The following TRAPPC9 variants were observed in gnomAD, a reference collection of about 807,000 sequenced individuals.
TRAPPC9 encodes IKK2 binding protein.
In TRAPPC9, 83 loss-of-function variants were observed where a neutral mutation model predicts 124.0. The observed-to-expected ratio is 0.67, with a 90% CI of 0.56 to 0.80. The LOEUF (loss-of-function observed/expected upper bound fraction) is 0.80, where lower values mean the gene tolerates loss of function less well. TRAPPC9 is among the 30% of genes least tolerant of loss of function. The probability of loss-of-function intolerance (pLI) is 0.00; values close to 1 mark genes in which losing one functional copy is unlikely to be tolerated. For missense variants in TRAPPC9, 1,302 were observed against 1,508.3 expected (o/e 0.86, Z 2.27); for synonymous variants, 638 against 617.5 (o/e 1.03, Z -0.49).
At chr8:140,388,289 A>T (rs1421244595) in intron 7 of TRAPPC9, among the ~76,000 whole-genome samples, 3 of 150,372 alleles carry the variant, frequency 2.0e-5, no homozygotes, top group Non-Finnish European at 4.4e-5. Context: ...ATGACAAGTT[A>T]ATGGGTGCAG....
At chr8:140,073,468 T>C (rs1587648138) in intron 17 of TRAPPC9, among the ~76,000 whole-genome samples, 2 of 152,206 alleles carry the variant, frequency 1.3e-5, no homozygotes. Context: ...TATGCTGAGG[T>C]GCCTATTATG....
intron 17 of TRAPPC9, chr8:140,098,742 T>G (rs977675860): frequency 1.3e-5 from 2 of 151,092 alleles, no homozygotes; most frequent in Non-Finnish European, 3.0e-5. Flanking sequence ...TAGGTCTCAG[T>G]GCGCAGCTGC....
At chr8:140,404,747 CAT>C (rs113489205) in intron 6 of TRAPPC9, among the ~76,000 whole-genome samples, 27 of 149,890 alleles carry the variant, frequency 1.8e-4, no homozygotes, top group African/African-American at 6.2e-4. Context: ...CACGCGTGAG[CAT>C]GTGTGTACGT....
chr8:140,250,844 C>T (rs1022524859), intron 16 of TRAPPC9, among the ~76,000 whole-genome samples: 1 of 152,188 alleles, frequency 6.6e-6, no homozygotes, highest in African/African-American at 2.4e-5. Flanking sequence ...CTCACATTTA[C>T]AAACCACCTG....
chr8:140,217,891 C>A (rs570846009), intron 17 of TRAPPC9, among the ~76,000 whole-genome samples: 1 of 152,102 alleles, frequency 6.6e-6, no homozygotes, highest in Non-Finnish European at 1.5e-5. Flanking sequence ...GTGGTGCACG[C>A]CTGTAATCCC....
chr8:140,207,646 G>A (rs943087393), intron 17 of TRAPPC9, among the ~76,000 whole-genome samples: 8 of 152,206 alleles, frequency 5.3e-5, no homozygotes, highest in Non-Finnish European at 4.4e-5. Flanking sequence ...AGTCCCTGCG[G>A]ACCCTGCGGA....
intron 9 of TRAPPC9, among the ~76,000 whole-genome samples, chr8:140,355,337 C>T (rs551135839): frequency 6.6e-6 from 1 of 152,290 alleles, no homozygotes; most frequent in East Asian, 1.9e-4. Flanking sequence ...AGAAAGCAGA[C>T]CTTAGAAGTA....
chr8:140,272,587 T>G (rs1019598454), intron 15 of TRAPPC9, among the ~76,000 whole-genome samples: 1 of 151,916 alleles, frequency 6.6e-6, no homozygotes, highest in African/African-American at 2.4e-5. Context: ...CTGGCTAATT[T>G]ACAGGGAGAA....
Position 140,315,230 on chromosome 8 carries a change from T to A in TRAPPC9, c.1496-3856A>T, listed in dbSNP as rs149435734. Reference sequence around the variant, plus strand: ...TTCATACATCTTTTGGCCATTTGTATGTCTTTTTTTTTTTTTTTTTTTGGT... The same window carrying A: ...TTCATACATCTTTTGGCCATTTGTAAGTCTTTTTTTTTTTTTTTTTTTGGT... On this transcript the variant is annotated intron_variant, in intron 9 of 22. Transcript: ENST00000438773. 4.3e-3 allele frequency among the ~76,000 whole-genome samples: 592 copies of A among 138,622 alleles called. 4 individuals carry two copies. Among genetic ancestry groups the A allele is most frequent in the African/African-American group, 0.015 (563 of 36,726 alleles). 90.9% of individuals were successfully genotyped at this position (138,622 alleles called of 152,430 possible). A position where few individuals can be genotyped will look rare whatever the true frequency, so the allele number is the denominator to read the frequency against.
intron 9 of TRAPPC9, among the ~76,000 whole-genome samples, chr8:140,329,118 A>C (rs1416895180): frequency 1.3e-5 from 2 of 152,170 alleles, no homozygotes; most frequent in Non-Finnish European, 2.9e-5. Context: ...CCCAGGTAGA[A>C]TGTGAAGGTG....
chr8:139,981,316 C>T (rs1836876783), intron 19 of TRAPPC9, among the ~76,000 whole-genome samples: 1 of 152,198 alleles, frequency 6.6e-6, no homozygotes, highest in Admixed American at 6.5e-5. Flanking sequence ...CTCCCCGCAT[C>T]AGCTGAAGGG....
intron 21 of TRAPPC9, among the ~76,000 whole-genome samples, chr8:139,766,127 T>C (rs1261247917): frequency 6.6e-6 from 1 of 152,232 alleles, no homozygotes; most frequent in Non-Finnish European, 1.5e-5. Flanking sequence ...TCAAATCCCC[T>C]TGGCCCCAAA....
intron 17 of TRAPPC9, among the ~76,000 whole-genome samples, chr8:140,032,190 T>C (rs1193124612): frequency 6.6e-6 from 1 of 152,216 alleles, no homozygotes; most frequent in East Asian, 1.9e-4. Flanking sequence ...TGGAGTTACA[T>C]ACTTTGTCGA....
At chr8:140,102,189 GGTT>G (rs1441000320) in intron 17 of TRAPPC9, among the ~76,000 whole-genome samples, 2 of 152,104 alleles carry the variant, frequency 1.3e-5, no homozygotes, top group Admixed American at 6.5e-5. Context: ...TGGTATTTGG[GGTT>G]GTTGCTGTGA....
intron 21 of TRAPPC9, among the ~76,000 whole-genome samples, chr8:139,865,265 T>G (rs577003930): frequency 6.6e-6 from 1 of 152,212 alleles, no homozygotes; most frequent in East Asian, 1.9e-4. Context: ...CCCATGTCCA[T>G]GCGTTCTGGT....
intron 15 of TRAPPC9, among the ~76,000 whole-genome samples, chr8:140,274,124 C>T (rs1261237795): frequency 6.6e-6 from 1 of 151,978 alleles, no homozygotes; most frequent in Non-Finnish European, 1.5e-5. Flanking sequence ...TTTTTAATAA[C>T]TATTTAGCAT....
At chr8:140,344,991 T>C (rs2067297193) in intron 9 of TRAPPC9, among the ~76,000 whole-genome samples, 1 of 152,166 alleles carries the variant, frequency 6.6e-6, no homozygotes, top group African/African-American at 2.4e-5. Context: ...CACGACAGCG[T>C]CAAGGTTTCT....
chr8:139,772,378 G>A (rs1452182742), intron 21 of TRAPPC9, among the ~76,000 whole-genome samples: 3 of 152,186 alleles, frequency 2.0e-5, no homozygotes, highest in African/African-American at 7.2e-5. Context: ...CCATTTTACA[G>A]ATGAGGAGAT....
intron 17 of TRAPPC9, among the ~76,000 whole-genome samples, chr8:140,188,521 TACTG>T (rs1231062538): frequency 3.9e-5 from 6 of 152,304 alleles, no homozygotes; most frequent in African/African-American, 1.4e-4. Flanking sequence ...TCTTTATCCC[TACTG>T]AATCTCTGCT....
Sources: gnomAD v4.1 joint callset for allele counts (sites outside exome capture counted in the v4.1 genomes callset) on GRCh38, gnomAD v4.1.1 for gene constraint, MANE v1.5 for transcripts, NCBI Gene and HGNC (gene_info 2026-07-23, HGNC 2026-07-21) for gene names.